DLG2: variants seen among roughly 807,000 people sequenced by gnomAD.
DLG2 encodes the protein disks large homolog 2.
DLG2 carries 45 observed loss-of-function variants against 132.5 expected under a neutral mutation model. The ratio of observed to expected loss-of-function variants is 0.34; its 90% CI spans 0.27 to 0.44. The LOEUF (loss-of-function observed/expected upper bound fraction) is 0.44. Among genes scored for constraint, DLG2 ranks in the 20% least tolerant of loss-of-function variants. The probability of loss-of-function intolerance (pLI) is 1.00; values close to 1 mark genes in which losing one functional copy is unlikely to be tolerated. For missense variants in DLG2, 1,045 were observed against 1,196.9 expected, an observed-to-expected ratio of 0.87 and a Z score of 1.87; for synonymous variants, 424 against 419.6, an observed-to-expected ratio of 1.01 and a Z score of -0.13.
At chr11:85,607,753 G>C (rs1160877073) in intron 2 of DLG2, among the ~76,000 whole-genome samples, 1 of 152,136 alleles carries the variant, frequency 6.6e-6, no homozygotes, top group African/African-American at 2.4e-5. Context: ...TAGGATATGG[G>C]GAGCCTCAGA....
intron 7 of DLG2, among the ~76,000 whole-genome samples, chr11:84,264,625 T>C (rs1198581791): frequency 6.6e-6 from 1 of 152,188 alleles, no homozygotes. Flanking sequence ...TGGGACTCTC[T>C]CTTCTGTGCT....
rs2062681077 is a variant in DLG2 at position 83,627,180 on chromosome 11, ATTTTATTTATT to A, written c.1940+6020_1940+6030del. On this transcript the variant is annotated intron_variant, in intron 19 of 27. Transcript: ENST00000376104. ...TTTAATTCTCACAACCACTTATTTT[ATTTTATTTATT>A]TTTTATTTATTTATTTTATTTTATT... Among the ~76,000 whole-genome samples, 4 of 151,682 alleles carry A rather than the reference ATTTTATTTATT, an allele frequency of 2.6e-5. No homozygotes were observed. The South Asian group carries it at 6.2e-4, about 24-fold the overall frequency.
At chr11:84,804,755 G>A (rs2153964552) in intron 6 of DLG2, among the ~76,000 whole-genome samples, 1 of 152,226 alleles carries the variant, frequency 6.6e-6, no homozygotes, top group East Asian at 1.9e-4. Context: ...ACAACAATCT[G>A]TGACCCTAAC....
At chr11:84,547,723 T>C (rs1464843489) in intron 6 of DLG2, among the ~76,000 whole-genome samples, 1 of 152,162 alleles carries the variant, frequency 6.6e-6, no homozygotes, top group Non-Finnish European at 1.5e-5. Context: ...CCCTCTTTTT[T>C]CTCAAAGCAT....
intron 3 of DLG2, among the ~76,000 whole-genome samples, chr11:85,373,704 G>A (rs1041721122): frequency 6.6e-6 from 1 of 152,096 alleles, no homozygotes; most frequent in Non-Finnish European, 1.5e-5. Flanking sequence ...AAGAGTCCCT[G>A]TTTTCCCCTT....
At chr11:84,370,145 T>A (rs987763726) in intron 7 of DLG2, among the ~76,000 whole-genome samples, 13 of 152,164 alleles carry the variant, frequency 8.5e-5, no homozygotes, top group Admixed American at 6.6e-4. Flanking sequence ...CTTCCTCATA[T>A]GCATATTACA....
chr11:85,500,233 G>A (rs895816689), intron 3 of DLG2, among the ~76,000 whole-genome samples: 3 of 151,956 alleles, frequency 2.0e-5, no homozygotes, highest in African/African-American at 7.3e-5. Context: ...AAGTTAATAA[G>A]CAACTTCAGC....
chr11:83,460,297 A>G (rs2063513610), intron 27 of DLG2, among the ~76,000 whole-genome samples: 1 of 152,202 alleles, frequency 6.6e-6, no homozygotes, highest in South Asian at 2.1e-4. Context: ...CCCTATTTAG[A>G]AAAGAAAACT....
intron 7 of DLG2, among the ~76,000 whole-genome samples, chr11:84,327,336 G>A (rs2098437654): frequency 6.6e-6 from 1 of 151,936 alleles, no homozygotes; most frequent in South Asian, 2.1e-4. Context: ...ACCCGCCTTG[G>A]CCTCCCAAAG....
At position 84,952,474 on chromosome 11, in the gene DLG2, G is replaced by A. The variant is rs1365574042; in HGVS notation, c.357+159187C>T. Among the ~76,000 whole-genome samples the A allele has an allele frequency of 2.0e-5, 3 of 151,704 alleles. No individual in the cohort carries two copies. The South Asian group carries it at 6.2e-4, about 31-fold the overall frequency. On this transcript the variant is annotated intron_variant, in intron 6 of 27. Transcript: ENST00000376104. Reference sequence around the variant, plus strand: ...GGAGCTTGCAGTGAGCGGAGATCGCGCCACAGCACTCCCGCCTGGGCGACA... The same window carrying A: ...GGAGCTTGCAGTGAGCGGAGATCGCACCACAGCACTCCCGCCTGGGCGACA...
chr11:85,155,697 C>G (rs566187875), intron 4 of DLG2, among the ~76,000 whole-genome samples: 1 of 151,972 alleles, frequency 6.6e-6, no homozygotes, highest in African/African-American at 2.4e-5. Flanking sequence ...TGGTGAAACC[C>G]TATCTCTACT....
intron 19 of DLG2, among the ~76,000 whole-genome samples, chr11:83,588,921 G>A (rs1301205973): frequency 3.8e-4 from 57 of 149,754 alleles, no homozygotes; most frequent in African/African-American, 1.3e-3. Flanking sequence ...GAAATGAAGT[G>A]AGAAGGGAAG....
chr11:84,195,310 C>T (rs1339363578), intron 8 of DLG2, among the ~76,000 whole-genome samples: 1 of 152,180 alleles, frequency 6.6e-6, no homozygotes, highest in Non-Finnish European at 1.5e-5. Flanking sequence ...ACTACAGGCA[C>T]ACGCCACCAC....
intron 7 of DLG2, among the ~76,000 whole-genome samples, chr11:84,442,892 T>C (rs530258692): frequency 3.7e-4 from 56 of 152,190 alleles, no homozygotes; most frequent in African/African-American, 1.3e-3. Flanking sequence ...AGCAAAGGAA[T>C]AGCTACATGT....
chr11:84,724,444 C>A (rs1038798222), intron 6 of DLG2, among the ~76,000 whole-genome samples: 8 of 152,172 alleles, frequency 5.3e-5, no homozygotes, highest in Non-Finnish European at 8.8e-5. Flanking sequence ...CTACTCATGA[C>A]AGCTGGTTGT....
At chr11:84,959,678 T>G (rs1330917967) in intron 6 of DLG2, among the ~76,000 whole-genome samples, 2 of 152,216 alleles carry the variant, frequency 1.3e-5, no homozygotes, top group African/African-American at 4.8e-5. Flanking sequence ...ATCACATTGA[T>G]GTTCAGAGGA....
rs562836632 is a variant in DLG2, at chr11:84,601,868, G to A, written c.358-67137C>T. 7.2e-5 allele frequency among the ~76,000 whole-genome samples: 11 copies of A among 152,052 alleles called. No individual in the cohort carries two copies. The South Asian group carries it at 8.3e-4, about 11-fold the overall frequency. ...CTGTGGTAGAAAATAGACTGAATTC[G>A]TGGTTAGAAAACCTGAGCCCCAAAT... On this transcript the variant is annotated intron_variant, in intron 6 of 27. Coordinates refer to ENST00000376104, the MANE Select transcript of DLG2 (RefSeq NM_001142699.3).
intron 3 of DLG2, among the ~76,000 whole-genome samples, chr11:85,404,333 G>A (rs1214162166): frequency 1.3e-5 from 2 of 151,958 alleles, no homozygotes; most frequent in African/African-American, 4.8e-5. Context: ...CACTACTACT[G>A]AATGGATTAA....
chr11:83,485,909 C>A (rs2093470602), intron 21 of DLG2, among the ~76,000 whole-genome samples: 1 of 151,970 alleles, frequency 6.6e-6, no homozygotes, highest in African/African-American at 2.4e-5. Context: ...AGTAGTAGAG[C>A]TCAATTGTAT....
Sources: allele counts gnomAD v4.1 joint callset (sites outside exome capture counted in the v4.1 genomes callset), GRCh38; gene constraint gnomAD v4.1.1; transcripts MANE v1.5; gene names NCBI Gene and HGNC (gene_info 2026-07-23, HGNC 2026-07-21).